The following BMP6 variants were observed in gnomAD, a reference collection of about 807,000 sequenced individuals.
BMP6 encodes the protein VG-1-R.
Under a neutral mutation model 54.1 loss-of-function variants are expected in BMP6, and 17 were observed. The observed-to-expected ratio is 0.31, with a 90% CI of 0.22 to 0.47. The LOEUF (loss-of-function observed/expected upper bound fraction) is 0.47, where lower values mean the gene tolerates loss of function less well. Ranked by LOEUF, BMP6 falls within the 20% of genes least tolerant of loss-of-function variation. BMP6 has a pLI of 1.00. For synonymous variants in BMP6, 328 were observed against 291.2 expected, an observed-to-expected ratio of 1.13 and a Z score of -1.28; for missense variants, 720 against 690.4, an observed-to-expected ratio of 1.04 and a Z score of -0.48.
Position 7,843,373 on chromosome 6 carries a change from C to A in BMP6, c.665-1767C>A, listed in dbSNP as rs529628386. On this transcript the variant is annotated intron_variant, in intron 1 of 6. Coordinates refer to ENST00000283147, the MANE Select transcript of BMP6 (RefSeq NM_001718.6). ...TGTACCTATAGATGGCTTAACTTAG[C>A]TTCTGCAAATGCCATTGAGGACTTA... Among the ~76,000 whole-genome samples, 89 of 151,060 alleles carry A rather than the reference C, an allele frequency of 5.9e-4. 1 individual carries two copies. Among genetic ancestry groups the A allele is most frequent in the African/African-American group, 2.1e-3 (85 of 41,314 alleles).
At chr6:7,854,241 TG>T (rs1759189362) in intron 2 of BMP6, among the ~76,000 whole-genome samples, 1 of 152,220 alleles carries the variant, frequency 6.6e-6, no homozygotes, top group Non-Finnish European at 1.5e-5. Flanking sequence ...CTCCATACTA[TG>T]TTGTCCAGCT....
intron 1 of BMP6, among the ~76,000 whole-genome samples, chr6:7,836,435 C>T (rs902585424): frequency 2.0e-5 from 3 of 152,122 alleles, no homozygotes; most frequent in Admixed American, 6.6e-5. Context: ...AATACACATA[C>T]GTACTCAAAC....
chr6:7,840,332 AG>A (rs1177448803), intron 1 of BMP6, among the ~76,000 whole-genome samples: 1 of 152,224 alleles, frequency 6.6e-6, no homozygotes, highest in Non-Finnish European at 1.5e-5. Context: ...GCAGTTGAAG[AG>A]GATCAGGAAA....
intron 1 of BMP6, among the ~76,000 whole-genome samples, chr6:7,765,730 G>C (rs1757676779): frequency 6.6e-6 from 1 of 152,252 alleles, no homozygotes; most frequent in Non-Finnish European, 1.5e-5. Context: ...TCACAGCTGT[G>C]TAAAGCAGAG....
At chr6:7,739,233 G>A (rs899151782) in intron 1 of BMP6, among the ~76,000 whole-genome samples, 2 of 152,074 alleles carry the variant, frequency 1.3e-5, no homozygotes, top group African/African-American at 4.8e-5. Context: ...TGATCCTGCC[G>A]GAACACAGCA....
intron 1 of BMP6, among the ~76,000 whole-genome samples, chr6:7,731,548 A>T (rs1432975203): frequency 6.6e-6 from 1 of 152,262 alleles, no homozygotes. Flanking sequence ...CCACCACAGT[A>T]GCCCAAGTGC....
intron 4 of BMP6, among the ~76,000 whole-genome samples, chr6:7,876,625 A>G (rs1216783226): frequency 6.6e-6 from 1 of 152,232 alleles, no homozygotes; most frequent in Non-Finnish European, 1.5e-5. Flanking sequence ...TTTGATGATT[A>G]TCTGTTTAAT....
chr6:7,790,060 C>T (rs931360987), intron 1 of BMP6, among the ~76,000 whole-genome samples: 5 of 152,164 alleles, frequency 3.3e-5, no homozygotes, highest in African/African-American at 1.2e-4. Flanking sequence ...TGCTGCTTGG[C>T]ACTGTTCAGT....
intron 1 of BMP6, among the ~76,000 whole-genome samples, chr6:7,808,676 GGCTGAGGTGTGAGGATT>G (rs1291343584): frequency 6.6e-6 from 1 of 152,092 alleles, no homozygotes; most frequent in African/African-American, 2.4e-5. Flanking sequence ...TGCTTTGGGA[GGCTGAGGTGTGAGGATT>G]GCTTGAGTAC....
chr6:7,727,209 C>G lies in BMP6; in HGVS notation c.254C>G (p.Ser85Trp), dbSNP rs753793938. The G allele has an allele frequency of 7.5e-6, 12 of 1,604,928 alleles. No individual in the cohort carries two copies. Among genetic ancestry groups the G allele is most frequent in the Admixed American group, 1.7e-5 (1 of 59,234 alleles). ...EKREMQKEIL[S>W]VLGLPHRPRP... ...CGGGAGATGCAGAAGGAGATCTTGT[C>G]GGTGCTGGGGCTCCCGCACCGGCCC... Residue 85 changes from serine (S) to tryptophan (W), a missense_variant, in exon 1 of 7, where the codon TCG (serine) becomes TGG (tryptophan). Ser to Trp is a radical substitution (Grantham distance 177, BLOSUM62 -3). This residue lies in a region of BMP6 where 650 missense variants were observed against 556.3 expected (regional missense o/e 1.17). Coordinates refer to ENST00000283147, the MANE Select transcript of BMP6 (RefSeq NM_001718.6).
chr6:7,855,551 CTCTTT>C (rs1759213261), intron 2 of BMP6, among the ~76,000 whole-genome samples: 2 of 114,114 alleles, frequency 1.8e-5, no homozygotes, highest in Admixed American at 9.4e-5. Context: ...CTCTCTCTCT[CTCTTT>C]TTTTTTTTTT....
At chr6:7,868,608 TTAAAG>T (rs1008327730) in intron 4 of BMP6, among the ~76,000 whole-genome samples, 6 of 152,196 alleles carry the variant, frequency 3.9e-5, no homozygotes, top group Non-Finnish European at 5.9e-5. Context: ...AGAAGGGAAA[TTAAAG>T]TAGTGAATTA....
chr6:7,829,868 A>G (rs993940892), intron 1 of BMP6, among the ~76,000 whole-genome samples: 1 of 152,222 alleles, frequency 6.6e-6, no homozygotes, highest in Admixed American at 6.5e-5. Context: ...GCAAACCCAC[A>G]ATAAATGGGT....
At chr6:7,858,169 A>G (rs976111476) in intron 2 of BMP6, among the ~76,000 whole-genome samples, 12 of 152,110 alleles carry the variant, frequency 7.9e-5, no homozygotes, top group African/African-American at 2.9e-4. Flanking sequence ...TGCAGCCTCC[A>G]CTTCCCCGGA....
chr6:7,727,753 A>AG, intron 1 of BMP6, 134 bp downstream of exon 1: 3 of 1,138,048 alleles, frequency 2.6e-6, no homozygotes, highest in Non-Finnish European at 3.4e-6. Context: ...ACGCGGGGAC[A>AG]GGCAGGCTGT....
chr6:7,819,803 G>GA (rs1242178795), intron 1 of BMP6, among the ~76,000 whole-genome samples: 1 of 152,176 alleles, frequency 6.6e-6, no homozygotes, highest in Non-Finnish European at 1.5e-5. Context: ...TATTCAAACA[G>GA]AAACAGAAGC....
intron 1 of BMP6, among the ~76,000 whole-genome samples, chr6:7,819,748 A>G (rs1394459550): frequency 6.6e-6 from 1 of 152,166 alleles, no homozygotes; most frequent in East Asian, 1.9e-4. Context: ...TAAATCCCAG[A>G]TGTTGTTTTT....
intron 1 of BMP6, among the ~76,000 whole-genome samples, chr6:7,807,552 C>T (rs754247765): frequency 1.3e-4 from 20 of 152,070 alleles, no homozygotes; most frequent in East Asian, 9.7e-4. Context: ...GTGCTGGGAT[C>T]ACAGGCCTGA....
At chr6:7,847,779 T>C (rs1244670772) in intron 2 of BMP6, among the ~76,000 whole-genome samples, 1 of 152,164 alleles carries the variant, frequency 6.6e-6, no homozygotes, top group Non-Finnish European at 1.5e-5. Flanking sequence ...CTGTGAACTC[T>C]GCACAAACAT....
Sources: allele counts gnomAD v4.1 joint callset (sites outside exome capture counted in the v4.1 genomes callset), GRCh38; gene constraint gnomAD v4.1.1; regional missense constraint gnomAD v4.1.1; transcripts MANE v1.5; gene names NCBI Gene and HGNC (gene_info 2026-07-23, HGNC 2026-07-21).